Variants in SPTLC2 observed in about 807,000 individuals in gnomAD.
SPTLC2 encodes serine palmitoyltransferase long chain base subunit 2.
Under a neutral mutation model 62.0 loss-of-function variants are expected in SPTLC2, and 21 were observed. The observed-to-expected ratio is 0.34, with a 90% CI of 0.24 to 0.49. The LOEUF (loss-of-function observed/expected upper bound fraction) is 0.49, where lower values mean the gene tolerates loss of function less well. SPTLC2 is among the 20% of genes least tolerant of loss of function. SPTLC2 has a pLI of 0.99. For missense variants in SPTLC2, 511 were observed against 713.0 expected (o/e 0.72, Z 3.23); for synonymous variants, 261 against 261.8 (o/e 1.00, Z 0.03).
chr14:77,616,131 G>A (rs2079965294), intron 1 of SPTLC2, among the ~76,000 whole-genome samples: 1 of 152,234 alleles, frequency 6.6e-6, no homozygotes, highest in African/African-American at 2.4e-5. Flanking sequence ...GAGTCCGAAG[G>A]GCCCCTCATC....
chr14:77,552,379 T>C (rs1185698384), intron 8 of SPTLC2, among the ~76,000 whole-genome samples, 157 bp from the exon 9 acceptor site: 1 of 152,224 alleles, frequency 6.6e-6, no homozygotes, highest in East Asian at 1.9e-4. Flanking sequence ...GGTCGAAGCA[T>C]ACCGCTGGCA....
At chr14:77,526,369 A>T (rs1315055960) in intron 9 of SPTLC2, among the ~76,000 whole-genome samples, 5 of 152,244 alleles carry the variant, frequency 3.3e-5, no homozygotes. Context: ...ACTGCTCTTA[A>T]GAAGTTTTTA....
rs528184543 is a variant in SPTLC2, at chr14:77,539,899, T to TA, written c.1303+12196dup. ...AACTTCTTATTGTGGCTTGAACTAA[T>TA]AAAAAAACACAATTAAGCCAGGCAA... On this transcript the variant is annotated intron_variant, in intron 9 of 11. Transcript: ENST00000216484. Among the ~76,000 whole-genome samples the TA allele has an allele frequency of 8.5e-5, 13 of 152,050 alleles. No homozygotes were observed. In the East Asian group the frequency reaches 2.5e-3, roughly 29 times the overall value.
At chr14:77,529,620 CTTTTTTTTTTTTTTTT>C (rs71452856) in intron 9 of SPTLC2, among the ~76,000 whole-genome samples, 1 of 76,048 alleles carries the variant, frequency 1.3e-5, no homozygotes. Flanking sequence ...TTCTTTCTTT[CTTTTTTTTTTTTTTTT>C]TTTTTTGAGA....
chr14:77,578,405 T>C (rs1471577494), intron 3 of SPTLC2, among the ~76,000 whole-genome samples: 1 of 151,108 alleles, frequency 6.6e-6, no homozygotes, highest in African/African-American at 2.4e-5. Context: ...TTCTTATCAA[T>C]AGGAGTTATT....
intron 5 of SPTLC2, among the ~76,000 whole-genome samples, chr14:77,567,305 G>GTCT (rs1449684943): frequency 6.6e-6 from 1 of 152,180 alleles, no homozygotes; most frequent in Non-Finnish European, 1.5e-5. Context: ...TGTAGAAAAC[G>GTCT]TCTAATTCTA....
At chr14:77,602,367 T>C (rs2079882706) in intron 1 of SPTLC2, among the ~76,000 whole-genome samples, 1 of 152,166 alleles carries the variant, frequency 6.6e-6, no homozygotes, top group Admixed American at 6.6e-5. Context: ...TCCTCTTCTA[T>C]TACCTATTTT....
Position 77,570,439 on chromosome 14 carries a change from G to A in SPTLC2, c.701C>T (p.Ala234Val), listed in dbSNP as rs761202531. 14 of 1,613,700 alleles carry A rather than the reference G, an allele frequency of 8.7e-6. No homozygotes were observed. Among genetic ancestry groups the A allele is most frequent in the Admixed American group, 3.3e-5 (2 of 59,974 alleles). The change falls in exon 5 of 12, where the codon GCG becomes GTG. Residue 234 changes from alanine (A) to valine (V), a missense_variant. By Grantham distance (64) the Ala-to-Val change is moderately conservative (BLOSUM62 0). Coordinates refer to ENST00000216484, the MANE Select transcript of SPTLC2 (RefSeq NM_004863.4). Reference protein sequence around the residue: ...ARFLGVEAAMAYGMGFATNSM... With the variant: ...ARFLGVEAAMVYGMGFATNSM... ...ATTCGTTGCAAATCCCATGCCATACGCCATAGCAGCTTCTACTCCTAAGAA... is the reference window on the plus strand; with the variant it reads ...ATTCGTTGCAAATCCCATGCCATACACCATAGCAGCTTCTACTCCTAAGAA...
At position 77,524,260 on chromosome 14, in the gene SPTLC2, T is replaced by C. The variant is rs28806494; in HGVS notation, c.1304-2679A>G. Among the ~76,000 whole-genome samples, 855 of 152,154 alleles carry C rather than the reference T, an allele frequency of 5.6e-3. 9 individuals carry two copies. Among genetic ancestry groups the C allele is most frequent in the African/African-American group, 0.019 (806 of 41,506 alleles). On this transcript the variant is annotated intron_variant, in intron 9 of 11. Coordinates refer to ENST00000216484, the MANE Select transcript of SPTLC2 (RefSeq NM_004863.4). ...ACAGATTCATGGTTGCCAGAAAGTATGGGAAGGCGGCTGATAGCAAAGGGG... is the reference window on the plus strand; with the variant it reads ...ACAGATTCATGGTTGCCAGAAAGTACGGGAAGGCGGCTGATAGCAAAGGGG...
chr14:77,597,500 C>A, intron 1 of SPTLC2, 120 bp from the exon 2 acceptor site: 2 of 924,174 alleles, frequency 2.2e-6, no homozygotes, highest in Non-Finnish European at 3.4e-6. Context: ...TTCCGCCGGG[C>A]GCACTGGCTC....
chr14:77,579,164 T>A (rs992321542), intron 2 of SPTLC2, 55 bp from the exon 3 acceptor site: 355 of 1,577,674 alleles, frequency 2.3e-4, no homozygotes, highest in Non-Finnish European at 2.7e-4. Context: ...TATTAAAAAA[T>A]TTTTTAACAG....
At chr14:77,516,446 C>T (rs2079360234) in intron 11 of SPTLC2, among the ~76,000 whole-genome samples, 1 of 151,720 alleles carries the variant, frequency 6.6e-6, no homozygotes, top group Non-Finnish European at 1.5e-5. Context: ...TTTAAAGGCA[C>T]ATTGAAATTC....
At chr14:77,530,660 C>T (rs1348056021) in intron 9 of SPTLC2, among the ~76,000 whole-genome samples, 2 of 152,112 alleles carry the variant, frequency 1.3e-5, no homozygotes, top group Non-Finnish European at 1.5e-5. Flanking sequence ...CCACCTCTCC[C>T]TTTTAGAAGC....
At chr14:77,515,084 C>T (rs2079352183) in intron 11 of SPTLC2, among the ~76,000 whole-genome samples, 1 of 152,214 alleles carries the variant, frequency 6.6e-6, no homozygotes, top group African/African-American at 2.4e-5. Context: ...GATGCTTGTG[C>T]TTTATTTCTG....
intron 2 of SPTLC2, among the ~76,000 whole-genome samples, chr14:77,590,685 C>G (rs1443586215): frequency 2.0e-5 from 3 of 152,136 alleles, no homozygotes; most frequent in Non-Finnish European, 4.4e-5. Flanking sequence ...GCACTCCAGC[C>G]TGGGCAACAG....
rs753616152 is a variant in SPTLC2, at chr14:77,508,037, C to G, written c.*4247G>C. 3.9e-5 allele frequency: 6 copies of G among 152,084 alleles called. No homozygotes were observed. The highest frequency in any genetic ancestry group is 7.3e-5 in the Non-Finnish European group (5 of 68,054). The allele number at this position is 152,084 out of a possible 1,614,324, so 9.4% of individuals were successfully genotyped here. A position where few individuals can be genotyped will look rare whatever the true frequency, so the allele number is the denominator to read the frequency against. On this transcript the variant is annotated 3_prime_UTR_variant, in exon 12 of 12. Coordinates refer to ENST00000216484, the MANE Select transcript of SPTLC2 (RefSeq NM_004863.4). ...CCCAGCTCCTAACAATTTTTTTTCC[C>G]CCTCTTATTGAGCCAGGGTCTCACT...
chr14:77,565,398 A>G (rs60020811), intron 5 of SPTLC2, among the ~76,000 whole-genome samples: 7,994 of 152,296 alleles, frequency 0.052, 208 homozygotes, highest in Middle Eastern at 0.061. Context: ...GATTACAAAG[A>G]GAAAAGCAGT....
intron 2 of SPTLC2, among the ~76,000 whole-genome samples, chr14:77,596,165 G>A (rs1479136816): frequency 1.3e-5 from 2 of 152,100 alleles, no homozygotes; most frequent in Admixed American, 6.6e-5. Flanking sequence ...GTAAAACCCC[G>A]TCTCTACTAA....
intron 4 of SPTLC2, among the ~76,000 whole-genome samples, chr14:77,572,159 C>T (rs1292033552): frequency 6.6e-6 from 1 of 152,194 alleles, no homozygotes; most frequent in Non-Finnish European, 1.5e-5. Flanking sequence ...CTGCACAATG[C>T]TCCTTTAACC....
Sources: gnomAD v4.1 joint callset for allele counts (sites outside exome capture counted in the v4.1 genomes callset) on GRCh38, gnomAD v4.1.1 for gene constraint, MANE v1.5 for transcripts, NCBI Gene and HGNC (gene_info 2026-07-23, HGNC 2026-07-21) for gene names.